Variants in SPAG9 observed in about 807,000 individuals in gnomAD.
SPAG9 encodes the protein C-Jun-amino-terminal kinase-interacting protein 4.
Under a neutral mutation model 166.5 loss-of-function variants are expected in SPAG9, and 35 were observed. The ratio of observed to expected loss-of-function variants is 0.21; its 90% CI spans 0.16 to 0.28. The LOEUF (loss-of-function observed/expected upper bound fraction) is 0.28. SPAG9 is among the 10% of genes least tolerant of loss of function. The probability of loss-of-function intolerance (pLI) is 1.00; values close to 1 mark genes in which losing one functional copy is unlikely to be tolerated. For missense variants in SPAG9, 1,235 were observed against 1,603.3 expected, an observed-to-expected ratio of 0.77 and a Z score of 3.92; for synonymous variants, 534 against 565.5, an observed-to-expected ratio of 0.94 and a Z score of 0.79.
intron 3 of SPAG9, among the ~76,000 whole-genome samples, chr17:51,051,061 AAGGG>A (rs199528224): frequency 0.057 from 8,482 of 149,062 alleles, 706 homozygotes; most frequent in African/African-American, 0.19. Context: ...AAAAAGAAAG[AAGGG>A]AGGGAGGGAG....
intron 1 of SPAG9, among the ~76,000 whole-genome samples, chr17:51,117,955 G>C (rs1402769361): frequency 6.6e-6 from 1 of 151,650 alleles, no homozygotes; most frequent in African/African-American, 2.4e-5. Flanking sequence ...GCAACAAGGT[G>C]AAACCCCGTC....
intron 5 of SPAG9, among the ~76,000 whole-genome samples, chr17:51,036,503 C>A (rs2046589007): frequency 6.6e-6 from 1 of 152,044 alleles, no homozygotes; most frequent in South Asian, 2.1e-4. Context: ...TCCACTAATG[C>A]CCTTCTTTTC....
chr17:51,015,517 T>C (rs896651317), intron 8 of SPAG9, among the ~76,000 whole-genome samples: 1 of 151,958 alleles, frequency 6.6e-6, no homozygotes, highest in Admixed American at 6.6e-5. Context: ...GTACCAGATG[T>C]CTAAAGAAGG....
At chr17:51,063,843 C>T (rs1598111852) in intron 2 of SPAG9, among the ~76,000 whole-genome samples, 1 of 152,072 alleles carries the variant, frequency 6.6e-6, no homozygotes, top group African/African-American at 2.4e-5. Flanking sequence ...GATCGTGCCA[C>T]TGCACTCCAG....
At chr17:50,980,265 G>A (rs988847899) in intron 25 of SPAG9, among the ~76,000 whole-genome samples, 1 of 151,972 alleles carries the variant, frequency 6.6e-6, no homozygotes, top group Admixed American at 6.6e-5. Flanking sequence ...GAGTGCAATG[G>A]CGCAATCTCG....
Position 50,979,669 on chromosome 17 carries a change from C to G in SPAG9, c.3409+77G>C, listed in dbSNP as rs1974451862. The G allele has an allele frequency of 3.6e-6, 5 of 1,403,630 alleles. No individual in the cohort carries two copies. The East Asian group carries it at 1.2e-4, about 32-fold the overall frequency. The allele number at this position is 1,403,630 out of a possible 1,614,324, so 86.9% of individuals were successfully genotyped here. ...CATCCTGGGCAACAAAGCAAGACCT[C>G]ATTTCAATAAACACATAGATAGATA... On this transcript the variant is annotated intron_variant, in intron 26 of 29. Coordinates refer to ENST00000262013, the MANE Select transcript of SPAG9 (RefSeq NM_001130528.3).
At chr17:51,084,796 T>C (rs1298164128) in intron 1 of SPAG9, among the ~76,000 whole-genome samples, 1 of 152,100 alleles carries the variant, frequency 6.6e-6, no homozygotes, top group African/African-American at 2.4e-5. Context: ...AAGTAACACT[T>C]AAGATGCTGT....
Position 50,962,713 on chromosome 17 carries a change from CAT to C in SPAG9, c.*3557_*3558del, listed in dbSNP as rs1283934806. ...TCAGTTCCATGGCATTTGCAAGACA[CAT>C]GTTCTTTAGGACAGTTAATATTATG... is the stretch of plus-strand genomic sequence containing the variant. On this transcript the variant is annotated 3_prime_UTR_variant, in exon 30 of 30. Transcript: ENST00000262013. 5.3e-5 allele frequency: 8 copies of C among 152,176 alleles called. No homozygotes were observed. Among genetic ancestry groups the C allele is most frequent in the African/African-American group, 1.4e-4 (6 of 41,458 alleles). 9.4% of individuals were successfully genotyped at this position (152,176 alleles called of 1,614,324 possible).
chr17:51,056,665 G>C (rs760671105), intron 2 of SPAG9, among the ~76,000 whole-genome samples, 183 bp from the exon 3 acceptor site: 11 of 152,164 alleles, frequency 7.2e-5, no homozygotes, highest in African/African-American at 2.6e-4. Context: ...ACTTTCAGAC[G>C]AGCGGAATAC....
chr17:50,974,639 A>G, intron 28 of SPAG9, 132 bp downstream of exon 28: 1 of 710,482 alleles, frequency 1.4e-6, no homozygotes, highest in Non-Finnish European at 2.1e-6. Context: ...CCTCCATTAC[A>G]GAACTTCCTT....
At chr17:50,970,512 C>CA (rs369375320) in intron 29 of SPAG9, among the ~76,000 whole-genome samples, 195 bp downstream of exon 29, 16,946 of 72,984 alleles carry the variant, frequency 0.23, 1,273 homozygotes, top group Non-Finnish European at 0.29. Context: ...GACGTCATCT[C>CA]AAAAAAAAAA....
intron 2 of SPAG9, among the ~76,000 whole-genome samples, chr17:51,075,219 A>G (rs868356492): frequency 8.0e-4 from 118 of 147,860 alleles, no homozygotes; most frequent in African/African-American, 2.1e-3. Flanking sequence ...AAAAAAAAAA[A>G]AAGAAGAAGA....
intron 6 of SPAG9, among the ~76,000 whole-genome samples, chr17:51,030,190 G>C (rs2046332525): frequency 6.6e-6 from 1 of 152,116 alleles, no homozygotes. Flanking sequence ...TGGATTATCT[G>C]GCATTGCAGC....
intron 2 of SPAG9, among the ~76,000 whole-genome samples, chr17:51,075,135 G>C (rs1323443791): frequency 7.3e-6 from 1 of 136,084 alleles, no homozygotes; most frequent in Non-Finnish European, 1.5e-5. Flanking sequence ...GGCGGAGGTT[G>C]CAGTGAACCA....
rs1973719054 is a variant in SPAG9 at position 50,970,692 on chromosome 17, G to A, written c.3850+15C>T. ...GCACACAGTGCAAACTGAGCACCCA[G>A]AACCAATGACATACCCATTCGGAAG... On this transcript the variant is annotated intron_variant, in intron 29 of 29. Transcript: ENST00000262013. 2.5e-6 allele frequency: 4 copies of A among 1,611,320 alleles called. No homozygotes were observed. Among genetic ancestry groups the A allele is most frequent in the East Asian group, 4.5e-5 (2 of 44,794 alleles).
At chr17:51,023,266 TA>T (rs2046015590) in intron 6 of SPAG9, 1 of 148,196 alleles carries the variant, frequency 6.7e-6, no homozygotes, top group East Asian at 1.9e-4. Flanking sequence ...ACTATTAGTA[TA>T]ATTATAATAC....
intron 6 of SPAG9, among the ~76,000 whole-genome samples, chr17:51,023,660 A>G (rs907550821): frequency 6.6e-6 from 1 of 152,148 alleles, no homozygotes; most frequent in Admixed American, 6.5e-5. Context: ...CCAGGCGTAC[A>G]TGAAATTCTT....
chr17:50,990,220 G>C (rs925046702), intron 20 of SPAG9: 12 of 536,226 alleles, frequency 2.2e-5, no homozygotes, highest in Non-Finnish European at 3.3e-5. Flanking sequence ...AGTACAGACA[G>C]GGTTTCACTG....
At chr17:51,092,862 CAGG>C (rs1479909565) in intron 1 of SPAG9, among the ~76,000 whole-genome samples, 1 of 151,816 alleles carries the variant, frequency 6.6e-6, no homozygotes, top group East Asian at 1.9e-4. Flanking sequence ...TGCTTTAGCC[CAGG>C]AGTTCTAAGC....
Sources: gnomAD v4.1 joint callset for allele counts (sites outside exome capture counted in the v4.1 genomes callset) on GRCh38, gnomAD v4.1.1 for gene constraint, MANE v1.5 for transcripts, NCBI Gene and HGNC (gene_info 2026-07-23, HGNC 2026-07-21) for gene names.